The following NAALADL2 variants were observed in gnomAD, a reference collection of about 807,000 sequenced individuals.
NAALADL2 encodes the protein inactive N-acetylated-alpha-linked acidic dipeptidase-like protein 2.
NAALADL2 carries 76 observed loss-of-function variants against 87.2 expected under a neutral mutation model. The observed-to-expected ratio is 0.87, with a 90% confidence interval of 0.72 to 1.05. The LOEUF (loss-of-function observed/expected upper bound fraction) is 1.05, where lower values mean the gene tolerates loss of function less well. Among genes scored for constraint, NAALADL2 ranks in the 50% least tolerant of loss-of-function variants. The probability of loss-of-function intolerance (pLI) is 0.00; values close to 1 mark genes in which losing one functional copy is unlikely to be tolerated. For missense variants in NAALADL2, 1,089 were observed against 945.8 expected (o/e 1.15, Z -1.99); for synonymous variants, 354 against 331.0 (o/e 1.07, Z -0.75).
Position 174,822,267 on chromosome 3 carries a change from T to C in NAALADL2, c.-9+84521T>C, listed in dbSNP as rs534679906. On this transcript the variant is annotated intron_variant, in intron 3 of 3. Transcript: ENST00000434257. The stretch of plus-strand genomic sequence containing the variant: ...AGTGGGAAGATAAGAAGGAAGGTGA[T>C]AAACCCGACGGCCCCTGCTTATTGC... 9.2e-5 allele frequency among the ~76,000 whole-genome samples: 14 copies of C among 152,198 alleles called. 1 individual carries two copies. The South Asian group carries it at 2.9e-3, about 32-fold the overall frequency.
chr3:174,772,962 G>A (rs1404680886), intron 3 of NAALADL2, among the ~76,000 whole-genome samples: 1 of 152,202 alleles, frequency 6.6e-6, no homozygotes, highest in Non-Finnish European at 1.5e-5. Flanking sequence ...GTTCTGAATG[G>A]CAGCTAATAT....
intron 2 of NAALADL2, among the ~76,000 whole-genome samples, chr3:175,152,994 G>T (rs1731770206): frequency 6.6e-6 from 1 of 152,032 alleles, no homozygotes; most frequent in African/African-American, 2.4e-5. Flanking sequence ...TTATAAAATA[G>T]AAAAATTACA....
At chr3:175,342,833 C>T (rs370352184) in intron 5 of NAALADL2, among the ~76,000 whole-genome samples, 8 of 152,046 alleles carry the variant, frequency 5.3e-5, no homozygotes, top group African/African-American at 1.9e-4. Flanking sequence ...TCATCATGTC[C>T]AATGTTTGAT....
chr3:174,907,115 G>A (rs1444140348), intron 1 of NAALADL2, among the ~76,000 whole-genome samples: 1 of 151,960 alleles, frequency 6.6e-6, no homozygotes, highest in Non-Finnish European at 1.5e-5. Context: ...ATTTATATTT[G>A]ATCTGATAAT....
At chr3:175,789,460 C>T (rs929724975) in intron 13 of NAALADL2, among the ~76,000 whole-genome samples, 3 of 152,108 alleles carry the variant, frequency 2.0e-5, no homozygotes, top group African/African-American at 7.2e-5. Context: ...CACAGACTAC[C>T]TGACATTTAC....
chr3:174,823,674 C>A (rs760033944), intron 3 of NAALADL2, among the ~76,000 whole-genome samples: 3 of 152,112 alleles, frequency 2.0e-5, no homozygotes, highest in Non-Finnish European at 4.4e-5. Flanking sequence ...ACTTAATATT[C>A]TCTGTAACAT....
chr3:175,366,479 T>A (rs1214345159), intron 5 of NAALADL2, among the ~76,000 whole-genome samples: 3 of 151,396 alleles, frequency 2.0e-5, no homozygotes, highest in Non-Finnish European at 4.4e-5. Flanking sequence ...CCACCAACAG[T>A]GTAAAAGTGT....
intron 2 of NAALADL2, among the ~76,000 whole-genome samples, chr3:174,553,023 T>C (rs1578152318): frequency 6.6e-6 from 1 of 152,152 alleles, no homozygotes; most frequent in African/African-American, 2.4e-5. Context: ...GATTAATAAA[T>C]GGTGGACTTT....
intron 1 of NAALADL2, among the ~76,000 whole-genome samples, chr3:174,956,267 G>T (rs754798264): frequency 6.6e-6 from 1 of 152,002 alleles, no homozygotes; most frequent in Admixed American, 6.6e-5. Flanking sequence ...TGGTAATCTT[G>T]TAGTCTCTTA....
intron 12 of NAALADL2, among the ~76,000 whole-genome samples, chr3:175,748,235 T>C (rs1746178027): frequency 6.6e-6 from 1 of 152,202 alleles, no homozygotes; most frequent in South Asian, 2.1e-4. Flanking sequence ...GAGTTGTTTG[T>C]TTAACATCTT....
At chr3:174,675,516 A>G (rs1726963566) in intron 2 of NAALADL2, among the ~76,000 whole-genome samples, 1 of 152,096 alleles carries the variant, frequency 6.6e-6, no homozygotes, top group Non-Finnish European at 1.5e-5. Flanking sequence ...GCTCACAGCA[A>G]ATACTTGATG....
intron 5 of NAALADL2, among the ~76,000 whole-genome samples, chr3:175,342,835 A>G (rs764031584): frequency 6.6e-5 from 10 of 151,988 alleles, no homozygotes; most frequent in Non-Finnish European, 1.5e-4. Flanking sequence ...ATCATGTCCA[A>G]TGTTTGATCA....
intron 3 of NAALADL2, among the ~76,000 whole-genome samples, chr3:174,814,187 C>T (rs1421281088): frequency 6.6e-6 from 1 of 152,014 alleles, no homozygotes; most frequent in Non-Finnish European, 1.5e-5. Context: ...TAGCTCACTG[C>T]AAGCTCCACC....
At chr3:175,739,588 A>G (rs1744972908) in intron 12 of NAALADL2, among the ~76,000 whole-genome samples, 1 of 152,196 alleles carries the variant, frequency 6.6e-6, no homozygotes, top group Admixed American at 6.5e-5. Context: ...AATGTATACA[A>G]AAATTTTTGC....
chr3:175,436,453 T>G (rs1718689726), intron 5 of NAALADL2, among the ~76,000 whole-genome samples: 1 of 145,374 alleles, frequency 6.9e-6, no homozygotes, highest in African/African-American at 2.6e-5. Flanking sequence ...TTGAACTAGT[T>G]TACAGTCCCA....
intron 10 of NAALADL2, among the ~76,000 whole-genome samples, chr3:175,624,576 C>T (rs1362132188): frequency 2.0e-5 from 3 of 151,886 alleles, no homozygotes; most frequent in Non-Finnish European, 4.4e-5. Flanking sequence ...GCTTTTCCAA[C>T]CTCCTGATCT....
At chr3:175,353,310 C>T (rs1049122538) in intron 5 of NAALADL2, among the ~76,000 whole-genome samples, 4 of 152,010 alleles carry the variant, frequency 2.6e-5, no homozygotes, top group Admixed American at 2.0e-4. Flanking sequence ...AATTTGTGTT[C>T]AGCCTGGGCA....
At chr3:175,639,088 G>T (rs919631530) in intron 11 of NAALADL2, among the ~76,000 whole-genome samples, 3 of 152,078 alleles carry the variant, frequency 2.0e-5, no homozygotes, top group African/African-American at 7.2e-5. Flanking sequence ...TCCTTTGAAG[G>T]TCTCCTGATT....
chr3:174,776,276 T>A (rs1715203326), intron 3 of NAALADL2, among the ~76,000 whole-genome samples: 1 of 152,098 alleles, frequency 6.6e-6, no homozygotes, highest in South Asian at 2.1e-4. Flanking sequence ...AAAATTGGCC[T>A]GAGGCTGTTG....
Sources: allele counts gnomAD v4.1 joint callset (sites outside exome capture counted in the v4.1 genomes callset), GRCh38; gene constraint gnomAD v4.1.1; transcripts MANE v1.5; gene names NCBI Gene and HGNC (gene_info 2026-07-23, HGNC 2026-07-21).